CDH13: variants seen among roughly 807,000 people sequenced by gnomAD.
The protein encoded by CDH13 is cadherin 13, also known as cadherin-13.
A neutral mutation model predicts 63.8 loss-of-function variants in CDH13; 24 were observed. That is an observed-to-expected ratio of 0.38 (90% CI 0.27 to 0.53). CDH13 has a LOEUF of 0.53. Among genes scored for constraint, CDH13 ranks in the 20% least tolerant of loss-of-function variants. The pLI is 0.85. For synonymous variants in CDH13, 503 were observed against 355.3 expected (o/e 1.42, Z -4.67); for missense variants, 1,049 against 903.1 (o/e 1.16, Z -2.07).
At chr16:83,545,813 G>A (rs1352296070) in intron 7 of CDH13, among the ~76,000 whole-genome samples, 3 of 152,104 alleles carry the variant, frequency 2.0e-5, no homozygotes, top group Non-Finnish European at 2.9e-5. Flanking sequence ...TTCAAATAAT[G>A]CCTCCTGTCT....
At chr16:82,849,007 C>G (rs1203238057) in intron 1 of CDH13, among the ~76,000 whole-genome samples, 1 of 152,112 alleles carries the variant, frequency 6.6e-6, no homozygotes, top group Non-Finnish European at 1.5e-5. Flanking sequence ...TTATTGCTGA[C>G]ATGGAGAAAG....
At chr16:83,788,974 A>T (rs909027170) in intron 13 of CDH13, among the ~76,000 whole-genome samples, 3 of 152,198 alleles carry the variant, frequency 2.0e-5, no homozygotes, top group African/African-American at 7.2e-5. Flanking sequence ...TCAAAAACAC[A>T]CTTGGTCTGG....
intron 10 of CDH13, among the ~76,000 whole-genome samples, chr16:83,724,911 T>G (rs1437940624): frequency 1.3e-5 from 2 of 152,216 alleles, no homozygotes; most frequent in Non-Finnish European, 2.9e-5. Flanking sequence ...AGGATCATCC[T>G]ACCCCTGGGA....
At chr16:83,668,355 C>T (rs1477285194) in intron 8 of CDH13, among the ~76,000 whole-genome samples, 2 of 152,216 alleles carry the variant, frequency 1.3e-5, no homozygotes, top group Non-Finnish European at 2.9e-5. Context: ...CTCCTCAAAT[C>T]ATGATTTCTC....
chr16:83,504,061 T>C (rs1469396144), intron 7 of CDH13, among the ~76,000 whole-genome samples: 1 of 152,166 alleles, frequency 6.6e-6, no homozygotes, highest in Non-Finnish European at 1.5e-5. Flanking sequence ...CCATGGCACA[T>C]GTATACCTAT....
intron 5 of CDH13, among the ~76,000 whole-genome samples, chr16:83,289,225 A>G (rs781234185): frequency 6.6e-6 from 1 of 152,236 alleles, no homozygotes; most frequent in Non-Finnish European, 1.5e-5. Flanking sequence ...TGAACAGTAC[A>G]TAACCCAACC....
intron 5 of CDH13, among the ~76,000 whole-genome samples, chr16:83,316,808 A>G (rs1407418148): frequency 2.6e-5 from 4 of 152,156 alleles, no homozygotes; most frequent in Non-Finnish European, 5.9e-5. Flanking sequence ...TCAAAATCAC[A>G]CTGGCCTAAA....
chr16:83,711,795 C>T (rs567450600), intron 10 of CDH13, among the ~76,000 whole-genome samples: 2 of 152,350 alleles, frequency 1.3e-5, no homozygotes, highest in African/African-American at 2.4e-5. Context: ...GGATTACAGG[C>T]GTGAGCCACC....
At chr16:82,676,059 C>G (rs922139475) in intron 1 of CDH13, among the ~76,000 whole-genome samples, 1 of 152,218 alleles carries the variant, frequency 6.6e-6, no homozygotes, top group Non-Finnish European at 1.5e-5. Context: ...AGCCCCCAGT[C>G]TGTGCCTGGC....
At chr16:83,023,304 C>G (rs1168489573) in intron 2 of CDH13, among the ~76,000 whole-genome samples, 1 of 152,076 alleles carries the variant, frequency 6.6e-6, no homozygotes, top group African/African-American at 2.4e-5. Flanking sequence ...TTCACTACCC[C>G]CCGACTCCAC....
chr16:82,719,773 G>T (rs1400636621), intron 1 of CDH13, among the ~76,000 whole-genome samples: 1 of 150,320 alleles, frequency 6.7e-6, no homozygotes, highest in African/African-American at 2.5e-5. Flanking sequence ...TTAAACCTGG[G>T]AGGCAGAGGT....
rs545505630 is a variant in CDH13 at position 83,011,765 on chromosome 16, C to T, written c.158-20245C>T. Reference sequence around the variant, plus strand: ...TCATTTTCCAATGCTCTTCAGCAATCGCTATTTTACTCTCCCAAACTTCTA... The same window carrying T: ...TCATTTTCCAATGCTCTTCAGCAATTGCTATTTTACTCTCCCAAACTTCTA... On this transcript the variant is annotated intron_variant, in intron 2 of 13. Transcript: ENST00000567109. 7.8e-4 allele frequency among the ~76,000 whole-genome samples: 119 copies of T among 152,280 alleles called. No homozygotes were observed. In the Middle Eastern group the frequency reaches 0.014, roughly 17 times the overall value.
chr16:83,089,603 G>T (rs551708026), intron 3 of CDH13, among the ~76,000 whole-genome samples: 2 of 152,212 alleles, frequency 1.3e-5, no homozygotes, highest in African/African-American at 4.8e-5. Context: ...GGGGAATGGG[G>T]TTCACAGTTT....
At chr16:83,141,270 C>G (rs2036517884) in intron 4 of CDH13, among the ~76,000 whole-genome samples, 1 of 152,158 alleles carries the variant, frequency 6.6e-6, no homozygotes, top group African/African-American at 2.4e-5. Flanking sequence ...TAAATCTCTA[C>G]TCCCTCACTC....
chr16:83,431,470 T>C (rs1414035318), intron 6 of CDH13, among the ~76,000 whole-genome samples: 1 of 151,946 alleles, frequency 6.6e-6, no homozygotes, highest in East Asian at 2.0e-4. Context: ...TTGTAGGTCA[T>C]TGTATCAGTC....
intron 1 of CDH13, among the ~76,000 whole-genome samples, chr16:82,820,948 T>C (rs930775123): frequency 6.6e-6 from 1 of 152,200 alleles, no homozygotes; most frequent in African/African-American, 2.4e-5. Flanking sequence ...CTGTGGGACC[T>C]GCCTCTACCA....
At chr16:83,279,637 A>C (rs932501877) in intron 5 of CDH13, among the ~76,000 whole-genome samples, 1 of 152,198 alleles carries the variant, frequency 6.6e-6, no homozygotes, top group East Asian at 1.9e-4. Flanking sequence ...AGTTGAGACA[A>C]TCGGCTATAC....
intron 1 of CDH13, among the ~76,000 whole-genome samples, chr16:82,818,139 T>TG (rs1555523731): frequency 6.6e-6 from 1 of 151,348 alleles, no homozygotes; most frequent in African/African-American, 2.4e-5. Flanking sequence ...TGTGTGTGTG[T>TG]TTTGGGAAGA....
chr16:83,041,572 C>G (rs1428339162), intron 3 of CDH13, among the ~76,000 whole-genome samples: 6 of 152,132 alleles, frequency 3.9e-5, no homozygotes, highest in African/African-American at 9.7e-5. Flanking sequence ...AATCCACTAC[C>G]TATCAGAATC....
Sources: gnomAD v4.1 joint callset for allele counts (sites outside exome capture counted in the v4.1 genomes callset) on GRCh38, gnomAD v4.1.1 for gene constraint, MANE v1.5 for transcripts, NCBI Gene and HGNC (gene_info 2026-07-23, HGNC 2026-07-21) for gene names.